The following RGS6 variants were observed in gnomAD, a reference collection of about 807,000 sequenced individuals.
The protein encoded by RGS6 is regulator of G protein signaling 6.
RGS6 carries 30 observed loss-of-function variants against 78.5 expected under a neutral mutation model. The ratio of observed to expected loss-of-function variants is 0.38; its 90% confidence interval spans 0.29 to 0.52. The LOEUF (loss-of-function observed/expected upper bound fraction) is 0.52, where lower values mean the gene tolerates loss of function less well. Among genes scored for constraint, RGS6 ranks in the 20% least tolerant of loss-of-function variants. The probability of loss-of-function intolerance (pLI) is 0.85; values close to 1 mark genes in which losing one functional copy is unlikely to be tolerated. For missense variants in RGS6, 495 were observed against 609.7 expected (o/e 0.81, Z 1.98); for synonymous variants, 206 against 206.0 (o/e 1.00, Z 0.00).
chr14:72,451,707 T>A (rs1014609182), intron 3 of RGS6, among the ~76,000 whole-genome samples: 55 of 152,266 alleles, frequency 3.6e-4, no homozygotes, highest in African/African-American at 1.3e-3. Context: ...AGAACTCAGC[T>A]AATGCAGGAA....
chr14:72,592,028 G>C, the RGS6 span, among the ~76,000 whole-genome samples: 2 of 152,168 alleles, frequency 1.3e-5, no homozygotes, highest in Non-Finnish European at 1.5e-5. Flanking sequence ...AAATGTCCAA[G>C]ACAAAGATGA....
At chr14:72,422,105 T>C (rs994316006) in intron 3 of RGS6, among the ~76,000 whole-genome samples, 28 of 152,172 alleles carry the variant, frequency 1.8e-4, no homozygotes, top group African/African-American at 6.3e-4. Context: ...GCACAAGCTC[T>C]CCCTTTGCCT....
chr14:72,492,267 C>G (rs2096588198), intron 12 of RGS6, among the ~76,000 whole-genome samples: 1 of 152,156 alleles, frequency 6.6e-6, no homozygotes, highest in African/African-American at 2.4e-5. Flanking sequence ...TGCTTAGGTT[C>G]CATGAAGAAT....
At chr14:72,311,085 G>A (rs1212804732) in intron 2 of RGS6, among the ~76,000 whole-genome samples, 1 of 152,242 alleles carries the variant, frequency 6.6e-6, no homozygotes, top group Non-Finnish European at 1.5e-5. Context: ...AGAATGTAGA[G>A]AGAAGCGAAG....
chr14:72,590,170 C>T, the RGS6 span, among the ~76,000 whole-genome samples: 1 of 152,222 alleles, frequency 6.6e-6, no homozygotes, highest in African/African-American at 2.4e-5. Flanking sequence ...GCAACTAGAA[C>T]TCTCATTAAT....
At chr14:72,147,655 T>C (rs2096623702) in intron 2 of RGS6, among the ~76,000 whole-genome samples, 1 of 152,174 alleles carries the variant, frequency 6.6e-6, no homozygotes, top group Non-Finnish European at 1.5e-5. Flanking sequence ...CAGAATTATA[T>C]TGCAGATACA....
At chr14:72,517,319 C>G (rs1475623747) in intron 14 of RGS6, among the ~76,000 whole-genome samples, 1 of 152,136 alleles carries the variant, frequency 6.6e-6, no homozygotes, top group South Asian at 2.1e-4. Context: ...CTCTCTTACT[C>G]ACTGATGGGG....
the RGS6 span, among the ~76,000 whole-genome samples, chr14:72,612,246 CAT>C: frequency 6.6e-6 from 1 of 152,192 alleles, no homozygotes; most frequent in Non-Finnish European, 1.5e-5. Context: ...TCTGACCATT[CAT>C]TGCAAAAGCA....
At chr14:72,410,584 T>A (rs962239959) in intron 3 of RGS6, among the ~76,000 whole-genome samples, 11 of 152,234 alleles carry the variant, frequency 7.2e-5, no homozygotes, top group Non-Finnish European at 1.5e-4. Flanking sequence ...TAGATCCCAT[T>A]TGTCAATTTT....
chr14:72,606,867 C>G, the RGS6 span, among the ~76,000 whole-genome samples: 4 of 151,818 alleles, frequency 2.6e-5, no homozygotes, highest in African/African-American at 4.9e-5. Context: ...ACCTCCCCCT[C>G]TCTGTCTCAC....
At chr14:71,976,367 C>T (rs568613001) in intron 2 of RGS6, among the ~76,000 whole-genome samples, 381 of 150,610 alleles carry the variant, frequency 2.5e-3, no homozygotes, top group Admixed American at 4.8e-3. Context: ...CCCACTAACT[C>T]GTCATCTAGC....
intron 3 of RGS6, among the ~76,000 whole-genome samples, chr14:72,408,601 G>A (rs142149441): frequency 5.9e-5 from 9 of 152,284 alleles, no homozygotes; most frequent in Admixed American, 2.6e-4. Context: ...TGCCATGAGC[G>A]TTCACAGTTG....
At chr14:72,339,658 G>A (rs973382272) in intron 2 of RGS6, among the ~76,000 whole-genome samples, 20 of 152,270 alleles carry the variant, frequency 1.3e-4, no homozygotes, top group African/African-American at 4.8e-4. Context: ...CAAGTCTTCA[G>A]ATGAGATGAT....
At chr14:72,329,544 G>C (rs2074535342) in intron 2 of RGS6, among the ~76,000 whole-genome samples, 1 of 152,266 alleles carries the variant, frequency 6.6e-6, no homozygotes, top group African/African-American at 2.4e-5. Flanking sequence ...GGCATTGTCT[G>C]TCCAGTAAGT....
At chr14:72,151,638 G>A (rs536794042) in intron 2 of RGS6, among the ~76,000 whole-genome samples, 58 of 152,310 alleles carry the variant, frequency 3.8e-4, no homozygotes, top group African/African-American at 1.4e-3. Flanking sequence ...TGGCATCTCA[G>A]GTTTCACGTG....
intron 2 of RGS6, among the ~76,000 whole-genome samples, chr14:72,178,036 T>C (rs552592374): frequency 1.3e-5 from 2 of 152,320 alleles, no homozygotes; most frequent in South Asian, 4.1e-4. Flanking sequence ...GTCTGTTTCC[T>C]CCCTGACTCG....
intron 2 of RGS6, among the ~76,000 whole-genome samples, chr14:72,215,749 C>T (rs997981550): frequency 6.6e-6 from 1 of 152,218 alleles, no homozygotes; most frequent in African/African-American, 2.4e-5. Context: ...AGACCTAATG[C>T]TTGCTTGGAC....
chr14:72,284,397 C>A (rs1175431784), intron 2 of RGS6, among the ~76,000 whole-genome samples: 1 of 152,178 alleles, frequency 6.6e-6, no homozygotes, highest in Non-Finnish European at 1.5e-5. Context: ...GGACTTGGTG[C>A]CCGGCATCCT....
At chr14:72,282,632 G>T (rs976770295) in intron 2 of RGS6, among the ~76,000 whole-genome samples, 2 of 152,106 alleles carry the variant, frequency 1.3e-5, no homozygotes, top group African/African-American at 4.8e-5. Flanking sequence ...TATTAAAAAG[G>T]ACACATATTT....
Sources: gnomAD v4.1 joint callset for allele counts (sites outside exome capture counted in the v4.1 genomes callset) on GRCh38, gnomAD v4.1.1 for gene constraint, MANE v1.5 for transcripts, NCBI Gene and HGNC (gene_info 2026-07-23, HGNC 2026-07-21) for gene names.